PPARG: variants seen among roughly 807,000 people sequenced by gnomAD.
The protein encoded by PPARG is peroxisome proliferator-activated receptor gamma.
A neutral mutation model predicts 39.2 loss-of-function variants in PPARG; 17 were observed. That is an observed-to-expected ratio of 0.43 (90% CI 0.30 to 0.65). The LOEUF (loss-of-function observed/expected upper bound fraction) is 0.65, where lower values mean the gene tolerates loss of function less well. Among genes scored for constraint, PPARG ranks in the 30% least tolerant of loss-of-function variants. The pLI, the probability that PPARG is intolerant of heterozygous loss-of-function variation, is 0.13. For missense variants in PPARG, 406 were observed against 585.9 expected (o/e 0.69, Z 3.17); for synonymous variants, 223 against 215.7 (o/e 1.03, Z -0.30).
rs141769161 is a variant in PPARG at position 12,368,017 on chromosome 3, G to A, written c.-8-11687G>A. 4.0e-3 allele frequency among the ~76,000 whole-genome samples: 602 copies of A among 152,104 alleles called. 5 individuals carry two copies. Among genetic ancestry groups the A allele is most frequent in the African/African-American group, 0.013 (550 of 41,524 alleles). On this transcript the variant is annotated intron_variant, in intron 2 of 7. Coordinates refer to ENST00000651735, the MANE Select transcript of PPARG (RefSeq NM_138711.6). Reference sequence around the variant, plus strand: ...TGCATCTAAAGATACATATTGGAATGTTTCAATCTCAAAGCTATCAATGGG... The same window carrying A: ...TGCATCTAAAGATACATATTGGAATATTTCAATCTCAAAGCTATCAATGGG...
chr3:12,406,233 G>T (rs781146023), intron 6 of PPARG, 152 bp downstream of exon 6: 1 of 801,962 alleles, frequency 1.2e-6, no homozygotes, highest in South Asian at 1.6e-5. Flanking sequence ...AGTCTGAAAC[G>T]CAGGAAGTGT....
At chr3:12,299,369 G>T (rs112149746) in intron 1 of PPARG, among the ~76,000 whole-genome samples, 1 of 152,104 alleles carries the variant, frequency 6.6e-6, no homozygotes, top group Admixed American at 6.5e-5. Flanking sequence ...GCTAGGCACC[G>T]TGGACTCAGG....
intron 2 of PPARG, among the ~76,000 whole-genome samples, chr3:12,346,437 G>T (rs986978293): frequency 6.6e-6 from 1 of 152,124 alleles, no homozygotes; most frequent in Non-Finnish European, 1.5e-5. Flanking sequence ...GGATTATTCT[G>T]TTTTGTGGAA....
At chr3:12,295,514 ATTT>A (rs5741526) in intron 1 of PPARG, among the ~76,000 whole-genome samples, 57 of 141,828 alleles carry the variant, frequency 4.0e-4, no homozygotes, top group African/African-American at 3.0e-4. Context: ...TCAAAAAAAA[ATTT>A]TTTTTTTTTT....
chr3:12,380,766 G>A (rs1301074754), intron 3 of PPARG, among the ~76,000 whole-genome samples: 5 of 152,052 alleles, frequency 3.3e-5, no homozygotes, highest in East Asian at 1.9e-4. Flanking sequence ...CATAAGTTCC[G>A]CCACGCTCTG....
chr3:12,408,388 T>C (rs2050748736), intron 6 of PPARG, among the ~76,000 whole-genome samples: 1 of 152,132 alleles, frequency 6.6e-6, no homozygotes, highest in Non-Finnish European at 1.5e-5. Context: ...GCTCATTCGT[T>C]CAATGATAAA....
chr3:12,394,549 A>G (rs1012667370), intron 5 of PPARG, among the ~76,000 whole-genome samples: 2 of 152,174 alleles, frequency 1.3e-5, no homozygotes, highest in African/African-American at 2.4e-5. Context: ...GAGAGGGTCA[A>G]TCTTGATAGG....
intron 2 of PPARG, among the ~76,000 whole-genome samples, chr3:12,340,505 C>T (rs968892408): frequency 3.9e-5 from 6 of 152,138 alleles, no homozygotes; most frequent in Non-Finnish European, 8.8e-5. Context: ...CTCCTTCCCT[C>T]TGTGTTTCAA....
At chr3:12,327,892 T>G in intron 2 of PPARG, 1 of 549,164 alleles carries the variant, frequency 1.8e-6, no homozygotes, top group South Asian at 2.6e-5. Context: ...TGAGAATGCT[T>G]CTTTAGTATC....
At chr3:12,356,631 A>T (rs1320027190) in intron 2 of PPARG, among the ~76,000 whole-genome samples, 2 of 152,186 alleles carry the variant, frequency 1.3e-5, no homozygotes, top group African/African-American at 4.8e-5. Context: ...GCCTATCTTT[A>T]TTATCAGTCT....
intron 2 of PPARG, among the ~76,000 whole-genome samples, chr3:12,317,111 A>T (rs2047410774): frequency 6.6e-6 from 1 of 152,202 alleles, no homozygotes; most frequent in South Asian, 2.1e-4. Flanking sequence ...TCACATGCAA[A>T]GTTCAGTCCT....
intron 2 of PPARG, among the ~76,000 whole-genome samples, chr3:12,335,320 A>C (rs1360204199): frequency 2.0e-5 from 3 of 152,212 alleles, no homozygotes; most frequent in Non-Finnish European, 2.9e-5. Context: ...AATTTACTAA[A>C]TTGAATTATT....
intron 2 of PPARG, among the ~76,000 whole-genome samples, chr3:12,330,750 G>A (rs191001810): frequency 2.0e-4 from 30 of 152,142 alleles, no homozygotes; most frequent in Admixed American, 2.0e-3. Flanking sequence ...CATTTAACAA[G>A]CTCACATTTA....
intron 7 of PPARG, among the ~76,000 whole-genome samples, chr3:12,428,040 A>AT (rs1408436853): frequency 6.6e-6 from 1 of 152,052 alleles, no homozygotes; most frequent in African/African-American, 2.4e-5. Context: ...AACCACCTGC[A>AT]TTTTTTCTGC....
intron 2 of PPARG, among the ~76,000 whole-genome samples, chr3:12,345,579 C>T (rs1456352351): frequency 6.6e-6 from 1 of 152,188 alleles, no homozygotes; most frequent in Non-Finnish European, 1.5e-5. Flanking sequence ...TCAAACTCTG[C>T]TGCTAATTTA....
chr3:12,329,184 C>T (rs2047781034), intron 2 of PPARG, among the ~76,000 whole-genome samples: 1 of 143,192 alleles, frequency 7.0e-6, no homozygotes, highest in Admixed American at 6.9e-5. Flanking sequence ...AAAAAAAAAA[C>T]CTACTGCATA....
intron 2 of PPARG, among the ~76,000 whole-genome samples, chr3:12,376,634 A>G (rs1406607372): frequency 1.3e-5 from 2 of 152,114 alleles, no homozygotes; most frequent in African/African-American, 2.4e-5. Flanking sequence ...TTGCTTATCT[A>G]TAAAGTGGGA....
chr3:12,415,222 CCA>C (rs772730414), intron 6 of PPARG, among the ~76,000 whole-genome samples: 78 of 152,262 alleles, frequency 5.1e-4, no homozygotes, highest in Non-Finnish European at 8.4e-4. Flanking sequence ...TGCCCACTCC[CCA>C]CACACATCCT....
chr3:12,342,762 G>A (rs1452010082), intron 2 of PPARG, among the ~76,000 whole-genome samples: 5 of 150,938 alleles, frequency 3.3e-5, no homozygotes, highest in South Asian at 2.1e-4. Flanking sequence ...TTTTAACAAT[G>A]AACGCGGATT....
Sources: allele counts gnomAD v4.1 joint callset (sites outside exome capture counted in the v4.1 genomes callset), GRCh38; gene constraint gnomAD v4.1.1; transcripts MANE v1.5; gene names NCBI Gene and HGNC (gene_info 2026-07-23, HGNC 2026-07-21).